The following MUC5AC variants were observed in gnomAD, a reference collection of about 807,000 sequenced individuals.
MUC5AC encodes the protein mucin-5AC.
A neutral mutation model predicts 169.7 loss-of-function variants in MUC5AC; 158 were observed. That is an observed-to-expected ratio of 0.93 (90% CI 0.82 to 1.06). The LOEUF (loss-of-function observed/expected upper bound fraction) is 1.06. MUC5AC is among the 50% of genes least tolerant of loss of function. MUC5AC has a pLI of 0.00. For missense variants in MUC5AC, 4,359 were observed against 3,089.9 expected, an observed-to-expected ratio of 1.41 and a Z score of -9.74; for synonymous variants, 1,975 against 1,237.0, an observed-to-expected ratio of 1.60 and a Z score of -12.52.
intron 25 of MUC5AC, 118 bp from the exon 26 acceptor site, chr11:1,178,974 G>A (rs1261142981): frequency 1.7e-5 from 6 of 355,870 alleles, no homozygotes; most frequent in South Asian, 7.6e-5. Context: ...ATGGGCATTC[G>A]CCCTCCCTGA....
In MUC5AC at chr11:1,192,110, C is replaced by G. The variant is rs762968269; in HGVS notation, c.13965C>G (p.Asn4655Lys). ...GPHGGDKETYNNIIRSGEKIC... is the reference protein window; with the variant it reads ...GPHGGDKETYKNIIRSGEKIC... ...ACGGCGGGGACAAGGAAACCTACAA[C>G]AACATCATCAGGAGTGGGGAAAAAA... The change falls in exon 31 of 49, where the codon AAC becomes AAG. Residue 4655 changes from asparagine (N) to lysine (K), a missense_variant. By Grantham distance (94) the Asn-to-Lys change is moderately conservative. Coordinates refer to ENST00000621226, the MANE Select transcript of MUC5AC (RefSeq NM_001304359.2). The G allele has an allele frequency of 1.3e-6, 1 of 765,104 alleles. No homozygotes were observed. The highest frequency in any genetic ancestry group is 2.4e-6 in the Non-Finnish European group (1 of 417,902). 47.4% of individuals were successfully genotyped at this position (765,104 alleles called of 1,614,324 possible).
Position 1,191,797 on chromosome 11 carries a change from C to A in MUC5AC, c.13652C>A (p.Thr4551Lys), listed in dbSNP as rs759514119. ...ACTTCTCTCAGCCCTGTTCCCACCA[C>A]GAGCACAACCTCTGCTCCTACAACT... ...PGTSLSPVPTTSTTSAPTTST... is the reference protein window; with the variant it reads ...PGTSLSPVPTKSTTSAPTTST... Residue 4551 changes from threonine (T) to lysine (K), a missense_variant, in exon 31 of 49, where the codon ACG becomes AAG. Physicochemically the swap from Thr to Lys is moderately conservative, Grantham distance 78. Coordinates refer to ENST00000621226, the MANE Select transcript of MUC5AC (RefSeq NM_001304359.2). The A allele has an allele frequency of 5.2e-6, 4 of 762,860 alleles. No individual in the cohort carries two copies. Among genetic ancestry groups the A allele is most frequent in the Non-Finnish European group, 9.6e-6 (4 of 416,710 alleles). 47.3% of individuals were successfully genotyped at this position (762,860 alleles called of 1,614,324 possible).
chr11:1,199,286 C>T (rs1377902222), intron 45 of MUC5AC, 85 bp from the exon 46 acceptor site: 7 of 693,364 alleles, frequency 1.0e-5, no homozygotes, highest in African/African-American at 3.6e-5. Flanking sequence ...AGGCTGGGGA[C>T]TCTCTGGAAG....
Position 1,182,297 on chromosome 11 carries a change from G to A in MUC5AC, c.4152G>A (p.Gly1384=). The change falls in exon 31 of 49, where the codon GGG becomes GGA. Residue 1384 remains glycine (G), a synonymous_variant. Coordinates refer to ENST00000621226, the MANE Select transcript of MUC5AC (RefSeq NM_001304359.2). The part of the protein sequence containing the change: ...TASASLPPVC[G]EKCLWSPWMD... ...CTGCCTCACTGCCGCCGGTCTGTGGGGAAAAGTGCCTGTGGTCGCCATGGA... is the reference window on the plus strand; with the variant it reads ...CTGCCTCACTGCCGCCGGTCTGTGGAGAAAAGTGCCTGTGGTCGCCATGGA... The A allele has an allele frequency of 2.5e-6, 1 of 398,584 alleles. No individual in the cohort carries two copies. The highest frequency in any genetic ancestry group is 4.4e-6 in the Non-Finnish European group (1 of 226,006). 24.7% of individuals were successfully genotyped at this position (398,584 alleles called of 1,614,324 possible).
At chr11:1,158,911 C>T (rs1860042731) in intron 1 of MUC5AC, among the ~76,000 whole-genome samples, 2 of 152,216 alleles carry the variant, frequency 1.3e-5, no homozygotes, top group South Asian at 2.1e-4. Context: ...CCGGTGTCTC[C>T]GTGCCACCCT....
Position 1,197,931 on chromosome 11 carries a change from C to G in MUC5AC, c.16062C>G (p.Pro5354=). ...GCAACACCAGCCGCTGCCCCGCGCC[C>G]GTGGGCTGTCCTGAGGGCGCCCGCG... ...CACNTSRCPA[P]VGCPEGARAI... is the part of the protein sequence containing the mutation. The change falls in exon 42 of 49, where the codon CCC becomes CCG. Residue 5354 remains proline, a synonymous_variant. Transcript: ENST00000621226. 1 of 734,386 alleles carries G rather than the reference C, an allele frequency of 1.4e-6. No homozygotes were observed. Among genetic ancestry groups the G allele is most frequent in the Non-Finnish European group, 2.5e-6 (1 of 404,438 alleles). 45.5% of individuals were successfully genotyped at this position (734,386 alleles called of 1,614,324 possible).
chr11:1,170,729 TCACTCACCCATTCACCCATTCACTC>T (rs1860487731), intron 15 of MUC5AC, among the ~76,000 whole-genome samples: 1 of 92,036 alleles, frequency 1.1e-5, no homozygotes. Flanking sequence ...ACTCAACCAT[TCACTCACCCATTCACCCATTCACTC>T]ACTCGCCCAC....
rs1234525501 is a variant in MUC5AC, at chr11:1,192,915, C to T, written c.14513C>T (p.Ser4838Phe). Residue 4838 changes from serine to phenylalanine, a missense_variant, in exon 32 of 49, where the codon TCC becomes TTC. Physicochemically the swap from Ser to Phe is radical, Grantham distance 155 (BLOSUM62 -2). Transcript: ENST00000621226. ...STTLPPAPAT[S>F]PSISTSEPVT... ...ACGCTGCCTCCTGCCCCAGCCACGT[C>T]CCCTTCAATATCCACCTCCGAGCCC... 1 of 762,270 alleles carries T rather than the reference C, an allele frequency of 1.3e-6. No individual in the cohort carries two copies. Among genetic ancestry groups the T allele is most frequent in the South Asian group, 1.3e-5 (1 of 74,178 alleles). 47.2% of individuals were successfully genotyped at this position (762,270 alleles called of 1,614,324 possible).
In MUC5AC at chr11:1,178,547, G is replaced by A; in HGVS notation, c.3191G>A (p.Ser1064Asn). ...VVGDVLEFGN[S>N]WKLSPSCPDA... ...GGGGACGTGCTGGAGTTTGGGAACA[G>A]CTGGAAGCTCTCCCCCTCCTGCCCA... is the stretch of plus-strand genomic sequence containing the variant. The change falls in exon 25 of 49, where the codon AGC becomes AAC. Residue 1064 changes from serine (S) to asparagine (N), a missense_variant. Transcript: ENST00000621226. 7.3e-7 allele frequency: 1 copy of A among 1,367,834 alleles called. No individual in the cohort carries two copies. Among genetic ancestry groups the A allele is most frequent in the Non-Finnish European group, 9.6e-7 (1 of 1,042,298 alleles). The allele number at this position is 1,367,834 out of a possible 1,614,324, so 84.7% of individuals were successfully genotyped here.
rs1564907025 is a variant in MUC5AC at position 1,164,550 on chromosome 11, CT to C, written c.1129+19del. 1.3e-6 allele frequency: 2 copies of C among 1,594,774 alleles called. No individual in the cohort carries two copies. The highest frequency in any genetic ancestry group is 1.1e-5 in the South Asian group (1 of 87,994). ...CCCTGAGGGTGAGGCTCCCCCGCCC[CT>C]GGGAAACACAGGTGCACCCCGACAA... is the stretch of plus-strand genomic sequence containing the variant. On this transcript the variant is annotated intron_variant, in intron 9 of 48. Coordinates refer to ENST00000621226, the MANE Select transcript of MUC5AC (RefSeq NM_001304359.2).
chr11:1,177,770 G>A (rs1860722416), intron 24 of MUC5AC, 137 bp downstream of exon 24: 3 of 396,678 alleles, frequency 7.6e-6, no homozygotes, highest in South Asian at 2.8e-4. Context: ...GAAGTGGGGG[G>A]GACGGAGCCT....
rs1271575867 is a variant in MUC5AC, at chr11:1,177,542, G to A, written c.2996G>A (p.Gly999Asp). 2.5e-6 allele frequency: 1 copy of A among 398,748 alleles called. No homozygotes were observed. Among genetic ancestry groups the A allele is most frequent in the Admixed American group, 4.4e-5 (1 of 22,736 alleles). The allele number at this position is 398,748 out of a possible 1,614,324, so 24.7% of individuals were successfully genotyped here. The change falls in exon 24 of 49, where the codon GGC becomes GAC. Residue 999 changes from glycine to aspartate, a missense_variant. Physicochemically the swap from Gly to Asp is moderately conservative, Grantham distance 94. Transcript: ENST00000621226. ...GTGCCATACACCATCCGGCAGATGG[G>A]CATCTACCTGGTGGTGGACACCGAC... ...QEVPYTIRQM[G>D]IYLVVDTDIG...
rs924395956 is a variant in MUC5AC, at chr11:1,177,355, C to T, written c.2907+11C>T. ...AAGATTTTCCTGGGGGTGAGCGAGGCTGGGTGGTCGCATGCCCTCCAGGAG... is the reference window on the plus strand; with the variant it reads ...AAGATTTTCCTGGGGGTGAGCGAGGTTGGGTGGTCGCATGCCCTCCAGGAG... On this transcript the variant is annotated intron_variant, in intron 23 of 48. Transcript: ENST00000621226. The T allele has an allele frequency of 2.1e-5, 9 of 437,346 alleles. No homozygotes were observed. Among genetic ancestry groups the T allele is most frequent in the Non-Finnish European group, 3.6e-5 (9 of 247,018 alleles). The allele number at this position is 437,346 out of a possible 1,614,324, so 27.1% of individuals were successfully genotyped here. A position where few individuals can be genotyped will look rare whatever the true frequency, so the allele number is the denominator to read the frequency against.
At chr11:1,162,229 G>T in intron 4 of MUC5AC, 61 bp downstream of exon 4, 1 of 1,578,300 alleles carries the variant, frequency 6.3e-7, no homozygotes, top group South Asian at 1.2e-5. Context: ...TTTCCGGGTG[G>T]TTGCGGGGTT....
chr11:1,168,509 A>G lies in MUC5AC; in HGVS notation c.1524A>G (p.Glu508=). ...TGGTGGTGATCAAGGCCAGTGGGGA[A>G]GTGTTCCTGAACCAGATCTACACCC... ...QTVVVIKASG[E]VFLNQIYTQL... Residue 508 remains glutamate, a synonymous_variant, in exon 13 of 49, where the codon GAA becomes GAG. Coordinates refer to ENST00000621226, the MANE Select transcript of MUC5AC (RefSeq NM_001304359.2). The G allele has an allele frequency of 6.5e-7, 1 of 1,529,860 alleles. No individual in the cohort carries two copies. Among genetic ancestry groups the G allele is most frequent in the Non-Finnish European group, 8.8e-7 (1 of 1,135,600 alleles). The allele number at this position is 1,529,860 out of a possible 1,614,324, so 94.8% of individuals were successfully genotyped here.
rs761236656 is a variant in MUC5AC at position 1,165,394 on chromosome 11, A to G, written c.1222A>G (p.Thr408Ala). ...CGGGGCTGCCTATGCCCCAGGGGCC[A>G]CCTACTCCACAGACTGCACCAACTG... ...YNGAAYAPGA[T>A]YSTDCTNCTC... The change falls in exon 10 of 49, where the codon ACC becomes GCC. Residue 408 changes from threonine to alanine, a missense_variant. Transcript: ENST00000621226. 26 of 1,612,190 alleles carry G rather than the reference A, an allele frequency of 1.6e-5. No homozygotes were observed. The highest frequency in any genetic ancestry group is 3.3e-5 in the South Asian group (3 of 91,070).
intron 15 of MUC5AC, among the ~76,000 whole-genome samples, chr11:1,169,754 C>T (rs1334294130): frequency 2.7e-5 from 4 of 146,800 alleles, no homozygotes; most frequent in African/African-American, 1.0e-4. Flanking sequence ...CTCACTCACT[C>T]ACCTCACTCA....
rs929796070 is a variant in MUC5AC, at chr11:1,194,127, G to C, written c.14773G>C (p.Gly4925Arg). The C allele has an allele frequency of 1.3e-6, 1 of 764,856 alleles. No homozygotes were observed. The highest frequency in any genetic ancestry group is 2.4e-6 in the Non-Finnish European group (1 of 417,836). 47.4% of individuals were successfully genotyped at this position (764,856 alleles called of 1,614,324 possible). The change falls in exon 34 of 49, where the codon GGT becomes CGT. Residue 4925 changes from glycine (G) to arginine (R), a missense_variant. Transcript: ENST00000621226. ...YQCQCVCSGW[G>R]DPHYITFDGT... Reference sequence around the variant, plus strand: ...CCTGGCAGGTGTGTGCAGCGGCTGGGGTGACCCCCACTACATCACCTTCGA... The same window carrying C: ...CCTGGCAGGTGTGTGCAGCGGCTGGCGTGACCCCCACTACATCACCTTCGA...
At chr11:1,158,215 C>A in intron 1 of MUC5AC, 143 bp downstream of exon 1, 1 of 739,536 alleles carries the variant, frequency 1.4e-6, no homozygotes, top group Non-Finnish European at 2.1e-6. Flanking sequence ...CTGACTGTGG[C>A]CTGGCCACGA....
Sources: allele counts gnomAD v4.1 joint callset (sites outside exome capture counted in the v4.1 genomes callset), GRCh38; gene constraint gnomAD v4.1.1; transcripts MANE v1.5; gene names NCBI Gene and HGNC (gene_info 2026-07-23, HGNC 2026-07-21).